The following LDB2 variants were observed in gnomAD, a reference collection of about 807,000 sequenced individuals.
LDB2 encodes LIM domain binding 2.
LDB2 carries 12 observed loss-of-function variants against 44.3 expected under a neutral mutation model. That is an observed-to-expected ratio of 0.27 (90% CI 0.17 to 0.44). The LOEUF (loss-of-function observed/expected upper bound fraction) is 0.44, where lower values mean the gene tolerates loss of function less well. LDB2 is among the 20% of genes least tolerant of loss of function. The pLI, the probability that LDB2 is intolerant of heterozygous loss-of-function variation, is 1.00. For missense variants in LDB2, 344 were observed against 473.5 expected, an observed-to-expected ratio of 0.73 and a Z score of 2.54; for synonymous variants, 164 against 174.8, an observed-to-expected ratio of 0.94 and a Z score of 0.49.
chr4:16,526,431 A>G (rs895038089), intron 5 of LDB2, among the ~76,000 whole-genome samples: 1 of 152,176 alleles, frequency 6.6e-6, no homozygotes. Flanking sequence ...GAGACTTGCC[A>G]TGAGTCACAT....
chr4:16,748,416 T>C (rs965668039), intron 2 of LDB2, among the ~76,000 whole-genome samples: 1 of 152,192 alleles, frequency 6.6e-6, no homozygotes, highest in Non-Finnish European at 1.5e-5. Context: ...TAAATTCAAA[T>C]ACTCCAATAT....
At chr4:16,675,102 A>G (rs2152562333) in intron 2 of LDB2, among the ~76,000 whole-genome samples, 1 of 152,252 alleles carries the variant, frequency 6.6e-6, no homozygotes, top group Admixed American at 6.5e-5. Context: ...TTATTTTGAG[A>G]TAATGGTAGG....
intron 2 of LDB2, among the ~76,000 whole-genome samples, chr4:16,737,774 T>C (rs1762200749): frequency 6.6e-6 from 1 of 152,128 alleles, no homozygotes; most frequent in Non-Finnish European, 1.5e-5. Context: ...TAAACAAAAA[T>C]GTTGAATGAT....
chr4:16,757,165 G>A (rs989329804), intron 2 of LDB2, among the ~76,000 whole-genome samples: 17 of 152,170 alleles, frequency 1.1e-4, no homozygotes, highest in African/African-American at 3.1e-4. Flanking sequence ...TGCATAAACA[G>A]TGCACGTCAG....
intron 5 of LDB2, among the ~76,000 whole-genome samples, chr4:16,576,510 G>A (rs1349615856): frequency 6.6e-6 from 1 of 151,988 alleles, no homozygotes; most frequent in African/African-American, 2.4e-5. Flanking sequence ...CCAGACACAG[G>A]CAACCTACCA....
At chr4:16,651,931 A>G (rs1225862790) in intron 2 of LDB2, among the ~76,000 whole-genome samples, 2 of 152,300 alleles carry the variant, frequency 1.3e-5, no homozygotes, top group South Asian at 2.1e-4. Flanking sequence ...TATCCCAAGA[A>G]TTCTATAAAA....
At chr4:16,708,058 A>T (rs77016160) in intron 2 of LDB2, among the ~76,000 whole-genome samples, 2,742 of 152,224 alleles carry the variant, frequency 0.018, 34 homozygotes, top group Non-Finnish European at 0.027. Flanking sequence ...AGTGAGTTTT[A>T]TCTAATTTGG....
At chr4:16,534,078 G>C (rs1375150356) in intron 5 of LDB2, among the ~76,000 whole-genome samples, 1 of 152,054 alleles carries the variant, frequency 6.6e-6, no homozygotes, top group Non-Finnish European at 1.5e-5. Flanking sequence ...CATAAACTTG[G>C]GGGGCAGGGG....
intron 2 of LDB2, among the ~76,000 whole-genome samples, chr4:16,639,658 A>T (rs543413423): frequency 3.9e-5 from 6 of 152,312 alleles, no homozygotes; most frequent in Non-Finnish European, 7.3e-5. Context: ...ACGGGATTTC[A>T]TTGTTTGGTC....
intron 2 of LDB2, among the ~76,000 whole-genome samples, chr4:16,724,201 G>T (rs1319613179): frequency 6.6e-6 from 1 of 151,842 alleles, no homozygotes; most frequent in Non-Finnish European, 1.5e-5. Flanking sequence ...TCCATCTCTG[G>T]TCAGCTTTCT....
At chr4:16,772,424 T>A (rs569302978) in intron 1 of LDB2, among the ~76,000 whole-genome samples, 1 of 152,070 alleles carries the variant, frequency 6.6e-6, no homozygotes, top group Non-Finnish European at 1.5e-5. Context: ...AAAAGATAAA[T>A]CTATCAAGGA....
intron 2 of LDB2, among the ~76,000 whole-genome samples, chr4:16,717,426 T>C (rs1757315747): frequency 6.6e-6 from 1 of 152,104 alleles, no homozygotes; most frequent in Non-Finnish European, 1.5e-5. Flanking sequence ...GCATTTTAGA[T>C]GCATTCCAGA....
intron 4 of LDB2, 42 bp downstream of exon 4, chr4:16,588,667 GA>G (rs772829738): frequency 8.1e-6 from 13 of 1,596,660 alleles, no homozygotes; most frequent in East Asian, 2.2e-5. Context: ...AATGAAGGAG[GA>G]AAAAAAAGAA....
At chr4:16,531,296 C>T (rs548166127) in intron 5 of LDB2, among the ~76,000 whole-genome samples, 1 of 152,356 alleles carries the variant, frequency 6.6e-6, no homozygotes, top group South Asian at 2.1e-4. Context: ...TTTGGGCTGT[C>T]CCAGTTCCTC....
At chr4:16,536,096 G>A (rs957302155) in intron 5 of LDB2, among the ~76,000 whole-genome samples, 1 of 152,190 alleles carries the variant, frequency 6.6e-6, no homozygotes, top group Non-Finnish European at 1.5e-5. Flanking sequence ...CAAACGGTAA[G>A]GGGAATGCAT....
intron 5 of LDB2, among the ~76,000 whole-genome samples, chr4:16,546,441 C>A (rs1326836571): frequency 1.3e-5 from 2 of 152,224 alleles, no homozygotes; most frequent in African/African-American, 4.8e-5. Flanking sequence ...CACTTACCTG[C>A]CACTTCAACA....
intron 1 of LDB2, among the ~76,000 whole-genome samples, chr4:16,815,707 T>C (rs182032771): frequency 1.3e-5 from 2 of 152,194 alleles, no homozygotes; most frequent in Admixed American, 1.3e-4. Context: ...TAGATTCCAG[T>C]TCCCCCTCTC....
At chr4:16,564,683 T>C (rs951259811) in intron 5 of LDB2, among the ~76,000 whole-genome samples, 1 of 152,192 alleles carries the variant, frequency 6.6e-6, no homozygotes, top group African/African-American at 2.4e-5. Context: ...ATTCACTGTG[T>C]ATGTTAAAAT....
At chr4:16,802,899 G>A (rs1778116961) in intron 1 of LDB2, among the ~76,000 whole-genome samples, 1 of 152,158 alleles carries the variant, frequency 6.6e-6, no homozygotes, top group Non-Finnish European at 1.5e-5. Context: ...CTGGAAGAGT[G>A]TGAAATAGGA....
Sources: gnomAD v4.1 joint callset for allele counts (sites outside exome capture counted in the v4.1 genomes callset) on GRCh38, gnomAD v4.1.1 for gene constraint, MANE v1.5 for transcripts, NCBI Gene and HGNC (gene_info 2026-07-23, HGNC 2026-07-21) for gene names.